The following GPC5 variants were observed in gnomAD, a reference collection of about 807,000 sequenced individuals.
GPC5 encodes the protein glypican 5.
A neutral mutation model predicts 53.9 loss-of-function variants in GPC5; 47 were observed. The observed-to-expected ratio is 0.87, with a 90% CI of 0.69 to 1.11. The LOEUF is 1.11. Ranked by LOEUF, GPC5 falls within the 50% of genes most tolerant of loss-of-function variation. The probability of loss-of-function intolerance (pLI) is 0.00; values close to 1 mark genes in which losing one functional copy is unlikely to be tolerated. For synonymous variants in GPC5, 286 were observed against 263.3 expected (o/e 1.09, Z -0.84); for missense variants, 748 against 713.1 (o/e 1.05, Z -0.56).
At chr13:91,518,915 G>A (rs1479861586) in intron 2 of GPC5, among the ~76,000 whole-genome samples, 1 of 152,098 alleles carries the variant, frequency 6.6e-6, no homozygotes, top group Non-Finnish European at 1.5e-5. Context: ...TTGTAAATCT[G>A]CAAGCAGTTC....
intron 7 of GPC5, among the ~76,000 whole-genome samples, chr13:92,433,736 A>G (rs1258217457): frequency 6.6e-6 from 1 of 152,166 alleles, no homozygotes; most frequent in Non-Finnish European, 1.5e-5. Flanking sequence ...AGGTTATATT[A>G]AAAAGGAGAA....
chr13:92,553,942 G>C (rs1362957788), intron 7 of GPC5, among the ~76,000 whole-genome samples: 1 of 151,874 alleles, frequency 6.6e-6, no homozygotes, highest in Admixed American at 6.6e-5. Context: ...CAACATGACT[G>C]ATTCCTTCTC....
intron 7 of GPC5, among the ~76,000 whole-genome samples, chr13:92,148,427 A>G (rs1043208334): frequency 1.2e-4 from 19 of 152,082 alleles, no homozygotes; most frequent in Non-Finnish European, 2.1e-4. Context: ...TTATTTAACC[A>G]TCTTACTGCT....
chr13:92,614,945 G>A (rs139180047), intron 7 of GPC5, among the ~76,000 whole-genome samples: 360 of 152,312 alleles, frequency 2.4e-3, no homozygotes, highest in Non-Finnish European at 4.2e-3. Flanking sequence ...GATGTAAGCA[G>A]CTGAAACTTT....
intron 6 of GPC5, among the ~76,000 whole-genome samples, chr13:92,038,637 C>G (rs977755818): frequency 6.6e-6 from 1 of 150,562 alleles, no homozygotes; most frequent in Non-Finnish European, 1.5e-5. Flanking sequence ...GAATATTTCT[C>G]CCTCAATGTA....
At chr13:92,688,081 A>C (rs1423570330) in intron 7 of GPC5, among the ~76,000 whole-genome samples, 1 of 87,978 alleles carries the variant, frequency 1.1e-5, no homozygotes, top group Non-Finnish European at 2.0e-5. Flanking sequence ...TGGGCTCATA[A>C]AATGAGTTAG....
chr13:92,396,340 T>G (rs547814152), intron 7 of GPC5, among the ~76,000 whole-genome samples: 1 of 152,294 alleles, frequency 6.6e-6, no homozygotes, highest in East Asian at 1.9e-4. Context: ...TTCTTAGAGT[T>G]TCCATCTCTT....
At chr13:92,315,029 G>A (rs554690169) in intron 7 of GPC5, among the ~76,000 whole-genome samples, 5 of 152,130 alleles carry the variant, frequency 3.3e-5, no homozygotes, top group Admixed American at 6.5e-5. Flanking sequence ...CTGCTGCCTC[G>A]GCCTCTCAAA....
intron 7 of GPC5, among the ~76,000 whole-genome samples, chr13:92,396,274 G>A (rs1297460137): frequency 6.6e-6 from 1 of 152,026 alleles, no homozygotes; most frequent in Non-Finnish European, 1.5e-5. Flanking sequence ...AGCCATGAAA[G>A]GCATTTGTTA....
At chr13:92,746,082 C>A (rs765512647) in intron 7 of GPC5, among the ~76,000 whole-genome samples, 57 of 152,124 alleles carry the variant, frequency 3.7e-4, no homozygotes, top group Non-Finnish European at 6.3e-4. Context: ...TTCATTTTAA[C>A]CAGTCCAACA....
intron 6 of GPC5, among the ~76,000 whole-genome samples, chr13:92,123,587 C>A (rs759773689): frequency 2.0e-5 from 3 of 152,014 alleles, no homozygotes; most frequent in Non-Finnish European, 4.4e-5. Context: ...TTTTGGAAAG[C>A]AGCTAGAATA....
chr13:92,298,551 T>C (rs2043054292), intron 7 of GPC5, among the ~76,000 whole-genome samples: 1 of 152,120 alleles, frequency 6.6e-6, no homozygotes, highest in Non-Finnish European at 1.5e-5. Flanking sequence ...TTAACTCAGC[T>C]CGAGGTACAG....
intron 6 of GPC5, among the ~76,000 whole-genome samples, chr13:92,099,736 C>T (rs946229752): frequency 6.6e-6 from 1 of 152,148 alleles, no homozygotes; most frequent in South Asian, 2.1e-4. Flanking sequence ...GTGACCCTCC[C>T]CTCCCCAATA....
chr13:91,499,592 A>C (rs969471412), intron 2 of GPC5, among the ~76,000 whole-genome samples: 8 of 151,944 alleles, frequency 5.3e-5, no homozygotes, highest in Admixed American at 2.0e-4. Context: ...TTTTAAAATA[A>C]CTCCTGCCTC....
At chr13:92,302,441 A>C (rs2043082184) in intron 7 of GPC5, among the ~76,000 whole-genome samples, 1 of 152,230 alleles carries the variant, frequency 6.6e-6, no homozygotes, top group African/African-American at 2.4e-5. Context: ...TACAGTAGTT[A>C]GCTTTACAGG....
intron 7 of GPC5, among the ~76,000 whole-genome samples, chr13:92,434,363 A>C (rs1312807299): frequency 6.6e-6 from 1 of 152,200 alleles, no homozygotes; most frequent in Admixed American, 6.6e-5. Flanking sequence ...GTAATAATGA[A>C]ATAATTTTTA....
intron 7 of GPC5, among the ~76,000 whole-genome samples, chr13:92,812,853 G>A (rs1427404815): frequency 5.3e-5 from 8 of 151,816 alleles, no homozygotes; most frequent in Non-Finnish European, 1.2e-4. Flanking sequence ...TTATTTGTAT[G>A]CAAGACTTGT....
At chr13:91,766,587 G>A (rs2037528787) in intron 5 of GPC5, among the ~76,000 whole-genome samples, 1 of 152,192 alleles carries the variant, frequency 6.6e-6, no homozygotes, top group South Asian at 2.1e-4. Context: ...GTAAGGCCGG[G>A]CGCGGTGGCT....
rs988152665 is a variant in GPC5 at position 92,250,803 on chromosome 13, G to A, written c.1561+105814G>A. On this transcript the variant is annotated intron_variant, in intron 7 of 7. Coordinates refer to ENST00000377067, the MANE Select transcript of GPC5 (RefSeq NM_004466.6). ...TTTCCAGATCCCACTAAGTAAGGAT[G>A]TAATGTAAACTAATAAAAATAAAGC... Among the ~76,000 whole-genome samples the A allele has an allele frequency of 3.3e-5, 5 of 151,968 alleles. No homozygotes were observed. The East Asian group carries it at 5.8e-4, about 18-fold the overall frequency.
Sources: gnomAD v4.1 joint callset for allele counts (sites outside exome capture counted in the v4.1 genomes callset) on GRCh38, gnomAD v4.1.1 for gene constraint, MANE v1.5 for transcripts, NCBI Gene and HGNC (gene_info 2026-07-23, HGNC 2026-07-21) for gene names.